The following MAP2K4 variants were observed in gnomAD, a reference collection of about 807,000 sequenced individuals.
The protein encoded by MAP2K4 is dual specificity mitogen-activated protein kinase kinase 4.
Under a neutral mutation model 48.5 loss-of-function variants are expected in MAP2K4, and 4 were observed. The ratio of observed to expected loss-of-function variants is 0.08; its 90% CI spans 0.04 to 0.19. The LOEUF (loss-of-function observed/expected upper bound fraction) is 0.19. Ranked by LOEUF, MAP2K4 falls within the 10% of genes least tolerant of loss-of-function variation. The probability of loss-of-function intolerance (pLI) is 1.00; values close to 1 mark genes in which losing one functional copy is unlikely to be tolerated. For missense variants in MAP2K4, 258 were observed against 493.3 expected, an observed-to-expected ratio of 0.52 and a Z score of 4.52; for synonymous variants, 166 against 173.1, an observed-to-expected ratio of 0.96 and a Z score of 0.32.
At chr17:12,115,843 TA>T in intron 7 of MAP2K4, 1 of 702,504 alleles carries the variant, frequency 1.4e-6, no homozygotes, top group Admixed American at 1.8e-5. Flanking sequence ...GATGGGAGAA[TA>T]AAACCATGTA....
Position 12,115,975 on chromosome 17 carries a change from T to G in MAP2K4, c.813+2615T>G, listed in dbSNP as rs573679154. On this transcript the variant is annotated intron_variant, in intron 7 of 10. Transcript: ENST00000353533. ...GAGTGAACTCTTTTCTCGTTCTTTT[T>G]AAGTCTGTTTTGTGGCACTCTAAAA... 2.2e-5 allele frequency: 9 copies of G among 406,688 alleles called. No individual in the cohort carries two copies. The East Asian group carries it at 5.2e-4, about 24-fold the overall frequency. 25.2% of individuals were successfully genotyped at this position (406,688 alleles called of 1,614,324 possible). A position where few individuals can be genotyped will look rare whatever the true frequency, so the allele number is the denominator to read the frequency against.
chr17:12,076,630 GT>G (rs2151544472), intron 2 of MAP2K4, among the ~76,000 whole-genome samples: 1 of 152,216 alleles, frequency 6.6e-6, no homozygotes, highest in South Asian at 2.1e-4. Context: ...CCTATATTAA[GT>G]ATTCTATCTA....
At chr17:12,042,804 T>TTA (rs1969832786) in intron 1 of MAP2K4, among the ~76,000 whole-genome samples, 1 of 152,146 alleles carries the variant, frequency 6.6e-6, no homozygotes, top group Non-Finnish European at 1.5e-5. Context: ...TCCCAGCACT[T>TTA]TGGGAGGCCG....
intron 1 of MAP2K4, among the ~76,000 whole-genome samples, chr17:12,040,144 C>A (rs145862942): frequency 6.6e-6 from 1 of 152,092 alleles, no homozygotes; most frequent in Non-Finnish European, 1.5e-5. Context: ...TAAAGTTCTC[C>A]GTCAGCCTTT....
At chr17:12,053,778 T>C (rs1185768628) in intron 1 of MAP2K4, among the ~76,000 whole-genome samples, 4 of 152,098 alleles carry the variant, frequency 2.6e-5, no homozygotes, top group Admixed American at 1.3e-4. Flanking sequence ...TCTTGTCTCT[T>C]TGCCATCTTC....
chr17:12,061,616 T>G (rs1318779443), intron 2 of MAP2K4, among the ~76,000 whole-genome samples: 1 of 152,254 alleles, frequency 6.6e-6, no homozygotes, highest in African/African-American at 2.4e-5. Context: ...TTTGGTGTTA[T>G]AAATCATCTT....
intron 2 of MAP2K4, among the ~76,000 whole-genome samples, chr17:12,065,926 C>G (rs767879946): frequency 6.6e-6 from 1 of 152,052 alleles, no homozygotes; most frequent in Non-Finnish European, 1.5e-5. Flanking sequence ...TTATTTCTGC[C>G]CATGTGGTTT....
chr17:12,075,504 A>G (rs1257653696), intron 2 of MAP2K4, among the ~76,000 whole-genome samples: 1 of 152,234 alleles, frequency 6.6e-6, no homozygotes, highest in Non-Finnish European at 1.5e-5. Flanking sequence ...TGGTGTTAAT[A>G]GGTAAGGAAC....
intron 2 of MAP2K4, among the ~76,000 whole-genome samples, chr17:12,077,111 G>A (rs1971037453): frequency 6.6e-6 from 1 of 152,202 alleles, no homozygotes; most frequent in Non-Finnish European, 1.5e-5. Flanking sequence ...TGCTCTGCAT[G>A]TTCAGAGAAA....
At chr17:12,037,943 T>A (rs1969651927) in intron 1 of MAP2K4, among the ~76,000 whole-genome samples, 1 of 152,136 alleles carries the variant, frequency 6.6e-6, no homozygotes, top group African/African-American at 2.4e-5. Context: ...GTCCTGAAAA[T>A]GCTTTTTGTT....
At chr17:12,064,565 A>G (rs1307666321) in intron 2 of MAP2K4, among the ~76,000 whole-genome samples, 3 of 152,242 alleles carry the variant, frequency 2.0e-5, no homozygotes, top group African/African-American at 7.2e-5. Context: ...TTAAAAGACC[A>G]GGCAATATCT....
intron 3 of MAP2K4, among the ~76,000 whole-genome samples, chr17:12,093,168 A>G (rs997709386): frequency 6.6e-6 from 1 of 150,960 alleles, no homozygotes; most frequent in Non-Finnish European, 1.5e-5. Flanking sequence ...AGCACAATCA[A>G]TTTCATGTTA....
At chr17:12,111,679 A>G (rs1239692556) in intron 6 of MAP2K4, among the ~76,000 whole-genome samples, 1 of 152,222 alleles carries the variant, frequency 6.6e-6, no homozygotes, top group Admixed American at 6.5e-5. Context: ...TGATGAGTTT[A>G]TAGCCATCTT....
At chr17:12,069,767 A>C in intron 2 of MAP2K4, 2 of 1,031,444 alleles carry the variant, frequency 1.9e-6, no homozygotes, top group South Asian at 3.4e-5. Context: ...ACAGAGCTGC[A>C]TTGCAGAAGG....
chr17:12,128,454 A>AT (rs548564001), intron 8 of MAP2K4, among the ~76,000 whole-genome samples: 13 of 150,040 alleles, frequency 8.7e-5, no homozygotes, highest in Admixed American at 5.3e-4. Context: ...ATTAGAGAAT[A>AT]TTTTTTTTTT....
rs145896649 is a variant in MAP2K4 at position 12,045,861 on chromosome 17, A to G, written c.116-9028A>G. ...TGGGATTTCTGTTGATATACTCACAAGTTCGAGGCTTAAAAACACAAATGC... is the reference window on the plus strand; with the variant it reads ...TGGGATTTCTGTTGATATACTCACAGGTTCGAGGCTTAAAAACACAAATGC... On this transcript the variant is annotated intron_variant, in intron 1 of 10. Transcript: ENST00000353533. 4.6e-5 allele frequency among the ~76,000 whole-genome samples: 7 copies of G among 152,314 alleles called. No individual in the cohort carries two copies. The East Asian group carries it at 9.6e-4, about 21-fold the overall frequency.
intron 2 of MAP2K4, among the ~76,000 whole-genome samples, chr17:12,067,338 G>T (rs933503278): frequency 6.6e-6 from 1 of 152,026 alleles, no homozygotes; most frequent in Non-Finnish European, 1.5e-5. Context: ...TCTTGTCATA[G>T]GAGAGACTGG....
intron 8 of MAP2K4, among the ~76,000 whole-genome samples, chr17:12,127,801 T>C (rs1396057817): frequency 1.3e-5 from 2 of 152,338 alleles, no homozygotes; most frequent in African/African-American, 2.4e-5. Flanking sequence ...ACGGAATACA[T>C]TTTTCTGTGT....
At chr17:12,064,044 A>AGAGAG (rs1970538290) in intron 2 of MAP2K4, among the ~76,000 whole-genome samples, 1 of 135,708 alleles carries the variant, frequency 7.4e-6, no homozygotes, top group Non-Finnish European at 1.6e-5. Context: ...GAGAGAGAGA[A>AGAGAG]AGAGACTAGA....
Sources: gnomAD v4.1 joint callset for allele counts (sites outside exome capture counted in the v4.1 genomes callset) on GRCh38, gnomAD v4.1.1 for gene constraint, MANE v1.5 for transcripts, NCBI Gene and HGNC (gene_info 2026-07-23, HGNC 2026-07-21) for gene names.